CDH6: variants seen among roughly 807,000 people sequenced by gnomAD.
CDH6 encodes cadherin 6, also known as cadherin-6.
Under a neutral mutation model 78.0 loss-of-function variants are expected in CDH6, and 31 were observed. The observed-to-expected ratio is 0.40, with a 90% CI of 0.30 to 0.54. CDH6 has a LOEUF of 0.54. Among genes scored for constraint, CDH6 ranks in the 20% least tolerant of loss-of-function variants. The pLI, the probability that CDH6 is intolerant of heterozygous loss-of-function variation, is 0.56. For missense variants in CDH6, 724 were observed against 975.9 expected, an observed-to-expected ratio of 0.74 and a Z score of 3.44; for synonymous variants, 376 against 368.8, an observed-to-expected ratio of 1.02 and a Z score of -0.23.
intron 1 of CDH6, among the ~76,000 whole-genome samples, chr5:31,262,234 A>T (rs1020384817): frequency 5.9e-5 from 9 of 152,254 alleles, no homozygotes; most frequent in South Asian, 4.1e-4. Flanking sequence ...ATTGAAGTAC[A>T]TATGCATATT....
intron 5 of CDH6, among the ~76,000 whole-genome samples, chr5:31,300,659 G>A (rs747340406): frequency 1.3e-5 from 2 of 152,080 alleles, no homozygotes; most frequent in Non-Finnish European, 2.9e-5. Flanking sequence ...AGATTCCCTG[G>A]GGAAGAATAA....
chr5:31,249,144 T>A (rs1011736603), intron 1 of CDH6: 2 of 152,226 alleles, frequency 1.3e-5, no homozygotes, highest in Admixed American at 1.3e-4. Flanking sequence ...ATTTTATATA[T>A]TTTTTAAATA....
At chr5:31,322,101 T>TA (rs1313372914) in intron 11 of CDH6, among the ~76,000 whole-genome samples, 5 of 152,220 alleles carry the variant, frequency 3.3e-5, no homozygotes, top group African/African-American at 1.2e-4. Flanking sequence ...AAATAAAAAA[T>TA]AAAAAATCTC....
At chr5:31,296,383 T>A (rs1483055492) in intron 3 of CDH6, among the ~76,000 whole-genome samples, 7 of 152,140 alleles carry the variant, frequency 4.6e-5, no homozygotes, top group African/African-American at 1.7e-4. Flanking sequence ...ATGTGGAATT[T>A]CAGGGGGTTA....
chr5:31,276,836 G>A (rs997503363), intron 2 of CDH6, among the ~76,000 whole-genome samples: 3 of 152,178 alleles, frequency 2.0e-5, no homozygotes, highest in South Asian at 2.1e-4. Flanking sequence ...AATTATTGAG[G>A]TGAGAATTAA....
At chr5:31,252,860 T>A (rs1741947115) in intron 1 of CDH6, among the ~76,000 whole-genome samples, 1 of 152,200 alleles carries the variant, frequency 6.6e-6, no homozygotes, top group African/African-American at 2.4e-5. Context: ...CATGTGCTAG[T>A]CTCATATGGC....
At chr5:31,231,709 A>T (rs1401084648) in intron 1 of CDH6, among the ~76,000 whole-genome samples, 1 of 152,156 alleles carries the variant, frequency 6.6e-6, no homozygotes, top group African/African-American at 2.4e-5. Flanking sequence ...TAATTCATTA[A>T]CCCACTATTT....
At position 31,323,233 on chromosome 5, in the gene CDH6, C is replaced by T; in HGVS notation, c.2298C>T (p.Tyr766=). Residue 766 remains tyrosine, a synonymous_variant, in exon 12 of 12, where the codon TAC becomes TAT. Transcript: ENST00000265071. ...CGGATGCAGATCAAGACTATGATTA[C>T]CTTAGTGACTGGGGACCTCGATTCA... ...VTTDADQDYD[Y]LSDWGPRFKK... is the part of the protein sequence containing the mutation. The T allele has an allele frequency of 6.2e-7, 1 of 1,614,142 alleles. No homozygotes were observed. The highest frequency in any genetic ancestry group is 8.5e-7 in the Non-Finnish European group (1 of 1,179,996).
chr5:31,241,733 A>T (rs1411139004), intron 1 of CDH6, among the ~76,000 whole-genome samples: 3 of 152,230 alleles, frequency 2.0e-5, no homozygotes, highest in African/African-American at 4.8e-5. Context: ...TTTTTATAGG[A>T]TAGGCCTGGA....
At chr5:31,307,257 A>G (rs1033231336) in intron 7 of CDH6, among the ~76,000 whole-genome samples, 2 of 152,246 alleles carry the variant, frequency 1.3e-5, no homozygotes, top group Non-Finnish European at 2.9e-5. Context: ...GGATAACACT[A>G]GCTGCTACGT....
chr5:31,322,788 T>A, intron 11 of CDH6, 30 bp from the exon 12 acceptor site: 1 of 1,585,490 alleles, frequency 6.3e-7, no homozygotes, highest in Non-Finnish European at 8.6e-7. Flanking sequence ...TAACTTTTCC[T>A]TCCCTTTCTG....
chr5:31,234,782 C>T (rs933454188), intron 1 of CDH6, among the ~76,000 whole-genome samples: 1 of 152,202 alleles, frequency 6.6e-6, no homozygotes, highest in African/African-American at 2.4e-5. Context: ...TAAACATATA[C>T]ATACATATGC....
At chr5:31,244,934 C>T (rs1001816255) in intron 1 of CDH6, among the ~76,000 whole-genome samples, 2 of 152,194 alleles carry the variant, frequency 1.3e-5, no homozygotes, top group Admixed American at 6.5e-5. Flanking sequence ...CAAACAGCAG[C>T]TTGAACAGCC....
chr5:31,213,359 A>G (rs1466907504), intron 1 of CDH6, among the ~76,000 whole-genome samples: 1 of 152,172 alleles, frequency 6.6e-6, no homozygotes, highest in East Asian at 1.9e-4. Flanking sequence ...GTATCTCCAA[A>G]TCACACTCAC....
chr5:31,196,362 C>T (rs1164052343), intron 1 of CDH6, among the ~76,000 whole-genome samples: 1 of 152,022 alleles, frequency 6.6e-6, no homozygotes, highest in Non-Finnish European at 1.5e-5. Context: ...AGTGAATGTC[C>T]CACAGAGATT....
intron 2 of CDH6, among the ~76,000 whole-genome samples, chr5:31,287,479 C>T (rs1272361511): frequency 6.6e-6 from 1 of 152,098 alleles, no homozygotes; most frequent in Non-Finnish European, 1.5e-5. Context: ...ATCTTACATA[C>T]ATTATTTTAT....
At chr5:31,306,086 T>G (rs779506293) in intron 7 of CDH6, among the ~76,000 whole-genome samples, 4 of 152,196 alleles carry the variant, frequency 2.6e-5, no homozygotes, top group Non-Finnish European at 4.4e-5. Flanking sequence ...AAGAGTGGCA[T>G]AGAAAAAGTA....
chr5:31,234,707 T>C (rs574475351), intron 1 of CDH6, among the ~76,000 whole-genome samples: 40 of 152,332 alleles, frequency 2.6e-4, no homozygotes, highest in African/African-American at 8.9e-4. Context: ...CTTTCTTCTT[T>C]TCTAGGCTCC....
intron 1 of CDH6, among the ~76,000 whole-genome samples, chr5:31,233,336 G>A (rs1347083087): frequency 1.9e-5 from 2 of 103,840 alleles, no homozygotes; most frequent in Admixed American, 1.3e-4. Context: ...GCAATGCCCC[G>A]TCTCTACAAA....
Sources: gnomAD v4.1 joint callset for allele counts (sites outside exome capture counted in the v4.1 genomes callset) on GRCh38, gnomAD v4.1.1 for gene constraint, MANE v1.5 for transcripts, NCBI Gene and HGNC (gene_info 2026-07-23, HGNC 2026-07-21) for gene names.